C16orf89: variants seen among roughly 807,000 people sequenced by gnomAD.
C16orf89 encodes the protein chromosome 16 open reading frame 89, also known as UPF0764 protein C16orf89.
In C16orf89, 57 loss-of-function variants were observed where a neutral mutation model predicts 41.5. The observed-to-expected ratio is 1.38, with a 90% CI of 1.11 to 1.71. C16orf89 has a LOEUF of 1.71. C16orf89 is among the 40% of genes most tolerant of loss of function. The pLI is 0.00. For missense variants in C16orf89, 575 were observed against 445.9 expected (o/e 1.29, Z -2.61); for synonymous variants, 223 against 190.6 (o/e 1.17, Z -1.40).
rs775952712 is a variant in C16orf89 at position 5,062,539 on chromosome 16, C to T, written c.244G>A (p.Glu82Lys). ...LKSVREKWAQ[E>K]PLLQPLSLRV... is the part of the protein sequence containing the mutation. ...AGGCTCAGCGGCTGCAGCAGGGGCT[C>T]CTGGGCCCACTTCTCCCGGACACTT... is the stretch of plus-strand genomic sequence containing the variant. The change falls in exon 2 of 8, where the codon GAG becomes AAG. Residue 82 changes from glutamate (E) to lysine (K), a missense_variant. By Grantham distance (56) the Glu-to-Lys change is moderately conservative. Transcript: ENST00000472572. 4 of 1,613,504 alleles carry T rather than the reference C, an allele frequency of 2.5e-6. No homozygotes were observed. Among genetic ancestry groups the T allele is most frequent in the East Asian group, 2.2e-5 (1 of 44,872 alleles).
chr16:5,052,162 C>A (rs146664348), intron 6 of C16orf89, among the ~76,000 whole-genome samples: 108 of 148,052 alleles, frequency 7.3e-4, no homozygotes, highest in African/African-American at 2.7e-3. Flanking sequence ...GCTGCATAGA[C>A]ATCTCTCAAA....
Position 5,060,293 on chromosome 16 carries a change from C to G in C16orf89, c.502G>C (p.Gly168Arg). The G allele has an allele frequency of 6.2e-7, 1 of 1,608,692 alleles. No homozygotes were observed. The highest frequency in any genetic ancestry group is 8.5e-7 in the Non-Finnish European group (1 of 1,177,212). The change falls in exon 3 of 8, where the codon GGA becomes CGA. Residue 168 changes from glycine (G) to arginine (R), a missense_variant. By Grantham distance (125) the Gly-to-Arg change is moderately radical (BLOSUM62 -2). Transcript: ENST00000472572. ...GGCAAGTGCAGGGCCCACCCGGTTCCCAGCAGCTGCACCAGGCACACGTCA... is the reference window on the plus strand; with the variant it reads ...GGCAAGTGCAGGGCCCACCCGGTTCGCAGCAGCTGCACCAGGCACACGTCA... ...RSDVCLVQLL[G>R]TGTDSSEPCG...
intron 7 of C16orf89, among the ~76,000 whole-genome samples, chr16:5,045,321 C>T (rs1288529014): frequency 1.3e-5 from 2 of 152,214 alleles, no homozygotes; most frequent in Non-Finnish European, 2.9e-5. Flanking sequence ...TCTTAGTTGC[C>T]TCTGGTCTGC....
rs528802108 is a variant in C16orf89, at chr16:5,055,256, G to A, written c.858C>T (p.Phe286=). ...LSWQKQQEGC[F]GEPDAEDEEL... is the part of the protein sequence containing the mutation. Reference sequence around the variant, plus strand: ...AGCAGCGCAGCTCACCAGGCTCCCCGAAGCATCCTTCCTGCTGTTTCTGCC... The same window carrying A: ...AGCAGCGCAGCTCACCAGGCTCCCCAAAGCATCCTTCCTGCTGTTTCTGCC... Residue 286 remains phenylalanine (F), a synonymous_variant, in exon 6 of 8, where the codon TTC becomes TTT. Coordinates refer to ENST00000472572, the MANE Select transcript of C16orf89 (RefSeq NM_001098514.3). The A allele has an allele frequency of 5.6e-6, 9 of 1,609,012 alleles. No individual in the cohort carries two copies. The highest frequency in any genetic ancestry group is 3.3e-5 in the South Asian group (3 of 90,682).
chr16:5,055,209 T>G, intron 6 of C16orf89, 37 bp downstream of exon 6: 1 of 1,140,748 alleles, frequency 8.8e-7, no homozygotes, highest in African/African-American at 1.6e-5. Context: ...CCACCCCCAC[T>G]GCCCCCCTTC....
chr16:5,054,736 G>C (rs912826386), intron 6 of C16orf89, among the ~76,000 whole-genome samples: 2 of 152,134 alleles, frequency 1.3e-5, no homozygotes, highest in African/African-American at 4.8e-5. Flanking sequence ...TTGAATCATG[G>C]GGGCCGTTTC....
At chr16:5,051,099 C>T (rs189792135) in intron 6 of C16orf89, among the ~76,000 whole-genome samples, 1 of 152,276 alleles carries the variant, frequency 6.6e-6, no homozygotes, top group African/African-American at 2.4e-5. Context: ...CAACATTACA[C>T]TGAGTGAGGA....
Position 5,060,415 on chromosome 16 carries a change from G to A in C16orf89, c.380C>T (p.Pro127Leu). The change falls in exon 3 of 8, where the codon CCC (proline) becomes CTC (leucine). Residue 127 changes from proline (P) to leucine (L), a missense_variant. Coordinates refer to ENST00000472572, the MANE Select transcript of C16orf89 (RefSeq NM_001098514.3). The stretch of plus-strand genomic sequence containing the variant: ...GGCATGTGGGAGCTTCCAAAACCCG[G>A]GCTGGAGGGTCAGCTGGAACTCTGG... The part of the protein sequence containing the change: ...YLREFQLTLQ[P>L]GFWKLPHAWI... 2 of 1,613,224 alleles carry A rather than the reference G, an allele frequency of 1.2e-6. No individual in the cohort carries two copies. Among genetic ancestry groups the A allele is most frequent in the Non-Finnish European group, 1.7e-6 (2 of 1,179,672 alleles).
chr16:5,063,561 C>T (rs1320051216), intron 1 of C16orf89, among the ~76,000 whole-genome samples: 3 of 152,200 alleles, frequency 2.0e-5, no homozygotes, highest in African/African-American at 7.2e-5. Context: ...CAGCCACTCC[C>T]CATCATTCGC....
intron 4 of C16orf89, among the ~76,000 whole-genome samples, chr16:5,057,751 A>G (rs912881794): frequency 1.3e-5 from 2 of 151,714 alleles, no homozygotes; most frequent in African/African-American, 4.8e-5. Context: ...CTGGTCTCGA[A>G]CTCCTGATCT....
At chr16:5,063,886 C>T (rs200562783) in intron 1 of C16orf89, among the ~76,000 whole-genome samples, 17 of 152,160 alleles carry the variant, frequency 1.1e-4, no homozygotes, top group African/African-American at 3.4e-4. Flanking sequence ...CAGCACTTTG[C>T]GAGGCCGAGG....
At chr16:5,052,591 A>AAAAG (rs1567153049) in intron 6 of C16orf89, among the ~76,000 whole-genome samples, 1 of 116,872 alleles carries the variant, frequency 8.6e-6, no homozygotes, top group Non-Finnish European at 1.8e-5. Flanking sequence ...ACCCTGTCTA[A>AAAAG]AAAGAAAGAA....
At chr16:5,061,504 A>AAAGAAAC (rs1567159542) in intron 2 of C16orf89, among the ~76,000 whole-genome samples, 7 of 62,618 alleles carry the variant, frequency 1.1e-4, no homozygotes, top group East Asian at 9.7e-4. Flanking sequence ...AAAAAAAAAA[A>AAAGAAAC]CCCCCCCAAA....
chr16:5,064,239 T>G (rs941286130), intron 1 of C16orf89, among the ~76,000 whole-genome samples: 2 of 152,238 alleles, frequency 1.3e-5, no homozygotes, highest in African/African-American at 4.8e-5. Context: ...GAAAAATTGC[T>G]TTCCACAAAA....
chr16:5,065,477 C>T (rs970148482), intron 1 of C16orf89, among the ~76,000 whole-genome samples: 1 of 152,212 alleles, frequency 6.6e-6, no homozygotes, highest in African/African-American at 2.4e-5. Flanking sequence ...AAATCCCTTC[C>T]CATGTTGCCT....
intron 2 of C16orf89, among the ~76,000 whole-genome samples, chr16:5,060,867 T>G (rs917910880): frequency 6.7e-6 from 1 of 150,066 alleles, no homozygotes; most frequent in Non-Finnish European, 1.5e-5. Flanking sequence ...GGTGTGGTGG[T>G]GTGCACCTGT....
intron 3 of C16orf89, 152 bp from the exon 4 acceptor site, chr16:5,058,762 A>G (rs1167741965): frequency 5.1e-6 from 3 of 589,708 alleles, no homozygotes; most frequent in Non-Finnish European, 8.6e-6. Context: ...GCAGTCCTGC[A>G]TTTTGATTTG....
At chr16:5,058,664 G>T in intron 3 of C16orf89, 54 bp from the exon 4 acceptor site, 1 of 1,416,632 alleles carries the variant, frequency 7.1e-7, no homozygotes, top group South Asian at 1.2e-5. Context: ...TCTGCCCTGC[G>T]TCTTCCCAGC....
chr16:5,058,385 G>C lies in C16orf89; in HGVS notation c.627+108C>G. Reference sequence around the variant, plus strand: ...TGGCCTCAAGTGATCTGCCTGCCTTGGCCTCCCAAAGTGCTTGGATTACAG... The same window carrying C: ...TGGCCTCAAGTGATCTGCCTGCCTTCGCCTCCCAAAGTGCTTGGATTACAG... On this transcript the variant is annotated intron_variant, in intron 4 of 7. Coordinates refer to ENST00000472572, the MANE Select transcript of C16orf89 (RefSeq NM_001098514.3). The C allele has an allele frequency of 5.4e-6, 5 of 922,774 alleles. No homozygotes were observed. In the South Asian group the frequency reaches 7.9e-5, roughly 15 times the overall value. The allele number at this position is 922,774 out of a possible 1,614,324, so 57.2% of individuals were successfully genotyped here.
Sources: gnomAD v4.1 joint callset for allele counts (sites outside exome capture counted in the v4.1 genomes callset) on GRCh38, gnomAD v4.1.1 for gene constraint, MANE v1.5 for transcripts, NCBI Gene and HGNC (gene_info 2026-07-23, HGNC 2026-07-21) for gene names.